The following TENM3 variants were observed in gnomAD, a reference collection of about 807,000 sequenced individuals.
TENM3 encodes the protein teneurin-3.
A neutral mutation model predicts 255.1 loss-of-function variants in TENM3; 63 were observed. That is an observed-to-expected ratio of 0.25 (90% CI 0.20 to 0.30). TENM3 has a LOEUF of 0.30. Among genes scored for constraint, TENM3 ranks in the 10% least tolerant of loss-of-function variants. The probability of loss-of-function intolerance (pLI) is 1.00; values close to 1 mark genes in which losing one functional copy is unlikely to be tolerated. For synonymous variants in TENM3, 1,306 were observed against 1,322.3 expected, an observed-to-expected ratio of 0.99 and a Z score of 0.27; for missense variants, 2,929 against 3,461.1, an observed-to-expected ratio of 0.85 and a Z score of 3.86.
At chr4:182,287,644 C>G (rs1440709344) in intron 1 of TENM3, among the ~76,000 whole-genome samples, 1 of 103,868 alleles carries the variant, frequency 9.6e-6, no homozygotes, top group Non-Finnish European at 1.9e-5. Flanking sequence ...GACTGAGTCT[C>G]GCTCTGACAC....
At chr4:182,675,547 A>G (rs546083150) in intron 7 of TENM3, among the ~76,000 whole-genome samples, 17 of 143,964 alleles carry the variant, frequency 1.2e-4, no homozygotes, top group South Asian at 2.2e-4. Flanking sequence ...TGTCTAGGAG[A>G]AAAAAAAAAA....
the TENM3 span, among the ~76,000 whole-genome samples, chr4:182,103,792 A>G: frequency 6.6e-6 from 1 of 152,224 alleles, no homozygotes; most frequent in African/African-American, 2.4e-5. Context: ...GTGACAAATA[A>G]TACTTGATAT....
At chr4:182,527,760 G>C (rs376473896) in intron 3 of TENM3, among the ~76,000 whole-genome samples, 3 of 151,854 alleles carry the variant, frequency 2.0e-5, no homozygotes, top group African/African-American at 7.3e-5. Context: ...ATGGAGTCTC[G>C]CTCTGTCACC....
At chr4:182,602,494 T>C (rs1031688193) in intron 4 of TENM3, among the ~76,000 whole-genome samples, 2 of 152,216 alleles carry the variant, frequency 1.3e-5, no homozygotes, top group African/African-American at 4.8e-5. Context: ...TCCCCACAGT[T>C]AGTTGTCAAC....
intron 1 of TENM3, among the ~76,000 whole-genome samples, chr4:182,246,917 T>C (rs964959578): frequency 1.2e-4 from 19 of 152,096 alleles, no homozygotes; most frequent in Middle Eastern, 3.2e-3. Flanking sequence ...AGGTAGTGAC[T>C]GGGAGTGGAG....
intron 24 of TENM3, among the ~76,000 whole-genome samples, chr4:182,775,635 C>G (rs1048920992): frequency 6.6e-6 from 1 of 152,188 alleles, no homozygotes; most frequent in Non-Finnish European, 1.5e-5. Context: ...CCTCCTCTTG[C>G]TCAGCTGTCC....
chr4:181,899,805 A>G, the TENM3 span, among the ~76,000 whole-genome samples: 44 of 152,034 alleles, frequency 2.9e-4, no homozygotes, highest in East Asian at 8.3e-3. Context: ...TGACCTTGTG[A>G]TCCTCCCGCC....
chr4:182,165,777 A>G (rs906287461), intron 1 of TENM3, among the ~76,000 whole-genome samples: 2 of 152,032 alleles, frequency 1.3e-5, no homozygotes, highest in African/African-American at 4.8e-5. Context: ...CAGGTGTAAA[A>G]GCAGTTTTTT....
At chr4:181,783,960 C>T in the TENM3 span, among the ~76,000 whole-genome samples, 8,599 of 152,224 alleles carry the variant, frequency 0.056, 455 homozygotes, top group African/African-American at 0.14. Flanking sequence ...CTTGGCCTCC[C>T]AAAGCCACAT....
intron 3 of TENM3, among the ~76,000 whole-genome samples, chr4:182,407,736 T>C (rs555902290): frequency 2.9e-4 from 44 of 152,338 alleles, no homozygotes; most frequent in African/African-American, 1.0e-3. Context: ...GTTCAAGATA[T>C]ATTGCATCAT....
chr4:181,828,592 C>CT, the TENM3 span, among the ~76,000 whole-genome samples: 4 of 151,552 alleles, frequency 2.6e-5, no homozygotes, highest in East Asian at 3.9e-4. Flanking sequence ...TCTTTTTTTT[C>CT]TTTTTTTATA....
At chr4:181,509,309 G>A in the TENM3 span, among the ~76,000 whole-genome samples, 1 of 152,066 alleles carries the variant, frequency 6.6e-6, no homozygotes, top group African/African-American at 2.4e-5. Context: ...TGATTTGTGG[G>A]ATGGAAAATT....
intron 3 of TENM3, among the ~76,000 whole-genome samples, chr4:182,386,956 A>T (rs1273287813): frequency 6.6e-6 from 1 of 152,246 alleles, no homozygotes; most frequent in African/African-American, 2.4e-5. Context: ...CGGGGCTGGC[A>T]GGCAGCTCCA....
chr4:181,602,918 G>A, the TENM3 span, among the ~76,000 whole-genome samples: 1 of 152,096 alleles, frequency 6.6e-6, no homozygotes, highest in Non-Finnish European at 1.5e-5. Context: ...TTTAAAAAAA[G>A]AAGAAGAATC....
At chr4:182,621,802 TATATATATTA>T (rs1750289620) in intron 4 of TENM3, among the ~76,000 whole-genome samples, 1 of 5,546 alleles carries the variant, frequency 1.8e-4, no homozygotes, top group Non-Finnish European at 2.6e-3. Context: ...TAATATATAA[TATATATATTA>T]TATATATATA....
intron 25 of TENM3, among the ~76,000 whole-genome samples, chr4:182,790,279 C>T (rs146572279): frequency 9.1e-4 from 138 of 152,260 alleles, no homozygotes; most frequent in African/African-American, 3.0e-3. Context: ...ACACACTACT[C>T]GGCAGTTACT....
intron 1 of TENM3, among the ~76,000 whole-genome samples, chr4:182,159,776 G>C (rs1458168091): frequency 6.6e-6 from 1 of 152,088 alleles, no homozygotes; most frequent in Non-Finnish European, 1.5e-5. Flanking sequence ...CGGGAGCAGC[G>C]ACACGATAGC....
chr4:181,794,384 C>T, the TENM3 span, among the ~76,000 whole-genome samples: 1 of 151,978 alleles, frequency 6.6e-6, no homozygotes, highest in Non-Finnish European at 1.5e-5. Context: ...CATTAGATCT[C>T]CAGAAATTTA....
chr4:181,840,068 T>A, the TENM3 span, among the ~76,000 whole-genome samples: 1 of 152,116 alleles, frequency 6.6e-6, no homozygotes, highest in Admixed American at 6.5e-5. Context: ...TCTAAACTTC[T>A]CTTGCATGTT....
Sources: allele counts gnomAD v4.1 joint callset (sites outside exome capture counted in the v4.1 genomes callset), GRCh38; gene constraint gnomAD v4.1.1; transcripts MANE v1.5; gene names NCBI Gene and HGNC (gene_info 2026-07-23, HGNC 2026-07-21).